MTA3: variants seen among roughly 807,000 people sequenced by gnomAD.
MTA3 encodes metastasis associated 1 family member 3.
Under a neutral mutation model 83.5 loss-of-function variants are expected in MTA3, and 34 were observed. The observed-to-expected ratio is 0.41, with a 90% confidence interval of 0.31 to 0.54. The LOEUF (loss-of-function observed/expected upper bound fraction) is 0.54, where lower values mean the gene tolerates loss of function less well. MTA3 is among the 20% of genes least tolerant of loss of function. MTA3 has a pLI of 0.33. For synonymous variants in MTA3, 303 were observed against 252.7 expected (o/e 1.20, Z -1.89); for missense variants, 761 against 726.4 (o/e 1.05, Z -0.55).
intron 2 of MTA3, among the ~76,000 whole-genome samples, chr2:42,514,746 A>G (rs1675063420): frequency 7.9e-6 from 1 of 125,998 alleles, no homozygotes; most frequent in Admixed American, 1.0e-4. Context: ...GGAGTACAGC[A>G]GTGCAATTTT....
chr2:42,552,797 A>G (rs1305685230), intron 2 of MTA3, among the ~76,000 whole-genome samples: 1 of 151,954 alleles, frequency 6.6e-6, no homozygotes, highest in East Asian at 1.9e-4. Context: ...TAAAAATACA[A>G]AAATTAGCCA....
At chr2:42,673,083 G>C (rs1167364933) in intron 8 of MTA3, among the ~76,000 whole-genome samples, 1 of 151,864 alleles carries the variant, frequency 6.6e-6, no homozygotes, top group African/African-American at 2.4e-5. Flanking sequence ...CTGACCTCAA[G>C]TGATCCACCC....
chr2:42,709,131 G>T (rs748738792), intron 14 of MTA3, 35 bp downstream of exon 14: 3 of 1,547,458 alleles, frequency 1.9e-6, no homozygotes, highest in East Asian at 2.4e-5. Flanking sequence ...CTTATATGTT[G>T]TGCTTCTGAC....
At chr2:42,746,018 T>C (rs1282560453) in intron 16 of MTA3, among the ~76,000 whole-genome samples, 1 of 151,724 alleles carries the variant, frequency 6.6e-6, no homozygotes, top group African/African-American at 2.4e-5. Flanking sequence ...TTCACCATGT[T>C]AGCCAGGATG....
chr2:42,695,473 A>G (rs1032737744), intron 9 of MTA3, among the ~76,000 whole-genome samples: 3 of 151,730 alleles, frequency 2.0e-5, no homozygotes, highest in African/African-American at 4.8e-5. Context: ...TGTCTCTACT[A>G]AAAATACAAA....
chr2:42,563,833 T>G (rs1677780552), upstream of MTA3, among the ~76,000 whole-genome samples: 1 of 150,128 alleles, frequency 6.7e-6, no homozygotes, highest in South Asian at 2.1e-4. Context: ...CCTTCCTTCC[T>G]TTCTTTTTTG....
intron 2 of MTA3, among the ~76,000 whole-genome samples, chr2:42,527,162 T>C (rs1322941751): frequency 6.6e-6 from 1 of 151,938 alleles, no homozygotes; most frequent in Non-Finnish European, 1.5e-5. Context: ...TTTGGGACTT[T>C]TGGAGCTCAC....
chr2:42,704,290 C>T lies in MTA3; in HGVS notation c.1122C>T (p.Leu374=), dbSNP rs1283751533. ...VGTTFQPQNP[L]LGRACESCYA... ...CCACGTTCCAGCCTCAGAATCCTCTCTTAGGGAGAGCCTGTGAGAGCTGCT... is the reference window on the plus strand; with the variant it reads ...CCACGTTCCAGCCTCAGAATCCTCTTTTAGGGAGAGCCTGTGAGAGCTGCT... Residue 374 remains leucine (L), a synonymous_variant, in exon 12 of 17, where the codon CTC becomes CTT. Transcript: ENST00000405094. The T allele has an allele frequency of 6.8e-6, 11 of 1,613,806 alleles. No homozygotes were observed. Among genetic ancestry groups the T allele is most frequent in the Middle Eastern group, 1.6e-4 (1 of 6,084 alleles).
At chr2:42,576,197 A>G (rs1191552776) in intron 2 of MTA3, among the ~76,000 whole-genome samples, 1 of 152,200 alleles carries the variant, frequency 6.6e-6, no homozygotes, top group Non-Finnish European at 1.5e-5. Context: ...AGACACCCGG[A>G]AAGACAAGTT....
intron 3 of MTA3, among the ~76,000 whole-genome samples, chr2:42,608,611 G>C (rs1683791968): frequency 6.6e-6 from 1 of 152,166 alleles, no homozygotes; most frequent in East Asian, 1.9e-4. Context: ...GGTTGGGTGT[G>C]GTGGCTCATG....
chr2:42,571,410 A>G (rs927209007), intron 2 of MTA3, among the ~76,000 whole-genome samples: 3 of 136,654 alleles, frequency 2.2e-5, no homozygotes, highest in Admixed American at 1.5e-4. Context: ...AAAAAAAAAA[A>G]GTTGAGATTT....
chr2:42,724,515 A>G (rs1007374725), intron 16 of MTA3, among the ~76,000 whole-genome samples: 2 of 151,776 alleles, frequency 1.3e-5, no homozygotes, highest in South Asian at 4.2e-4. Flanking sequence ...CTAGTGGCGC[A>G]TGTCTGTAGT....
intron 4 of MTA3, 147 bp downstream of exon 4, chr2:42,609,731 T>C: frequency 1.2e-6 from 1 of 859,180 alleles, no homozygotes; most frequent in African/African-American, 1.7e-5. Flanking sequence ...GTTGGAAATT[T>C]ATAATGTGTA....
intron 9 of MTA3, among the ~76,000 whole-genome samples, chr2:42,686,333 C>T (rs886475964): frequency 1.3e-5 from 2 of 152,188 alleles, no homozygotes; most frequent in Non-Finnish European, 2.9e-5. Context: ...GTAAAATTCA[C>T]TCCTTTACAG....
intron 2 of MTA3, among the ~76,000 whole-genome samples, chr2:42,544,943 CAG>C (rs1676692054): frequency 6.6e-6 from 1 of 152,114 alleles, no homozygotes; most frequent in Non-Finnish European, 1.5e-5. Flanking sequence ...TTTTGACAAC[CAG>C]CTAATATCTG....
chr2:42,628,817 T>C (rs1324812237), intron 4 of MTA3, among the ~76,000 whole-genome samples: 1 of 149,894 alleles, frequency 6.7e-6, no homozygotes, highest in African/African-American at 2.5e-5. Context: ...GAGCAATTAG[T>C]GTTTGAAGGG....
chr2:42,587,064 G>T (rs1313720546), intron 3 of MTA3, among the ~76,000 whole-genome samples: 9 of 151,656 alleles, frequency 5.9e-5, no homozygotes, highest in African/African-American at 2.2e-4. Context: ...GTGGTGGCAG[G>T]CACCTGTAAT....
intron 1 of MTA3, chr2:42,495,088 C>T (rs1007557458): frequency 1.3e-5 from 2 of 152,688 alleles, no homozygotes. Flanking sequence ...GAGATGCGGT[C>T]ATCTGACCAC....
chr2:42,713,557 A>C (rs1450677435), intron 14 of MTA3, among the ~76,000 whole-genome samples: 1 of 152,202 alleles, frequency 6.6e-6, no homozygotes, highest in South Asian at 2.1e-4. Flanking sequence ...TACAAATCTC[A>C]TCACGTTCCT....
Sources: gnomAD v4.1 joint callset for allele counts (sites outside exome capture counted in the v4.1 genomes callset) on GRCh38, gnomAD v4.1.1 for gene constraint, MANE v1.5 for transcripts, NCBI Gene and HGNC (gene_info 2026-07-23, HGNC 2026-07-21) for gene names.